FAM107A: variants seen among roughly 807,000 people sequenced by gnomAD.
FAM107A encodes the protein actin-associated protein FAM107A.
In FAM107A, 19 loss-of-function variants were observed where a neutral mutation model predicts 13.7. The observed-to-expected ratio is 1.38, with a 90% CI of 0.97 to 2.03. The LOEUF is 2.03. Ranked by LOEUF, FAM107A falls within the 30% of genes most tolerant of loss-of-function variation. The probability of loss-of-function intolerance (pLI) is 0.00; values close to 1 mark genes in which losing one functional copy is unlikely to be tolerated. For synonymous variants in FAM107A, 82 were observed against 74.5 expected, an observed-to-expected ratio of 1.10 and a Z score of -0.52; for missense variants, 203 against 184.4, an observed-to-expected ratio of 1.10 and a Z score of -0.58.
chr3:58,566,810 G>C (rs1202049268), intron 3 of FAM107A, 115 bp from the exon 4 acceptor site: 8 of 778,964 alleles, frequency 1.0e-5, no homozygotes, highest in South Asian at 1.6e-5. Flanking sequence ...ACCAACCTGG[G>C]GATGAGTTTT....
At chr3:58,583,693 T>G (rs9826641) in intron 1 of FAM107A, among the ~76,000 whole-genome samples, 5,061 of 151,374 alleles carry the variant, frequency 0.033, 286 homozygotes, top group African/African-American at 0.11. Flanking sequence ...TCTTTTTTTT[T>G]GGGGGGGGAC....
intron 1 of FAM107A, chr3:58,607,676 A>G (rs2065808977): frequency 6.6e-6 from 1 of 152,226 alleles, no homozygotes; most frequent in African/African-American, 2.4e-5. Flanking sequence ...TGCTGGCTCA[A>G]TGAAGTTAGC....
chr3:58,570,631 G>GAGAGAA (rs1559474913), intron 1 of FAM107A, among the ~76,000 whole-genome samples: 3 of 95,800 alleles, frequency 3.1e-5, no homozygotes, highest in African/African-American at 9.1e-5. Flanking sequence ...GAGAGAGAGA[G>GAGAGAA]AGAGAAAGAG....
At chr3:58,582,679 C>T (rs537167350), upstream of FAM107A, among the ~76,000 whole-genome samples, 3 of 152,304 alleles carry the variant, frequency 2.0e-5, no homozygotes, top group South Asian at 2.1e-4. Flanking sequence ...ATGGGGCAGA[C>T]GTGTTTTTGA....
At chr3:58,570,400 T>C in intron 1 of FAM107A, 1 of 984,674 alleles carries the variant, frequency 1.0e-6, no homozygotes, top group Non-Finnish European at 1.2e-6. Context: ...GAGGAGAGCA[T>C]GAAATTCAGA....
rs569767838 is a variant in FAM107A, at chr3:58,597,798, A to T, written c.-69-8529T>A. Among the ~76,000 whole-genome samples, 5 of 152,330 alleles carry T rather than the reference A, an allele frequency of 3.3e-5. No homozygotes were observed. In the East Asian group the frequency reaches 9.7e-4, roughly 29 times the overall value. ...GAGGAAGAAAGCTGAGGCCTTCGGC[A>T]GGTTAAGATACACAGCTGGATGGAA... On this transcript the variant is annotated intron_variant, in intron 1 of 3. Coordinates refer to the FAM107A transcript ENST00000465970.
intron 1 of FAM107A, among the ~76,000 whole-genome samples, chr3:58,612,276 T>C (rs2065861654): frequency 6.6e-6 from 1 of 152,180 alleles, no homozygotes; most frequent in Non-Finnish European, 1.5e-5. Context: ...TGGAATGCTA[T>C]GTACCCATGA....
intron 1 of FAM107A, among the ~76,000 whole-genome samples, chr3:58,592,867 C>G (rs956529868): frequency 2.6e-5 from 4 of 152,228 alleles, no homozygotes; most frequent in Admixed American, 1.3e-4. Flanking sequence ...GCCCCAATCT[C>G]ATCCCAGACA....
intron 1 of FAM107A, chr3:58,607,970 A>C (rs917298394): frequency 1.2e-4 from 18 of 152,234 alleles, no homozygotes; most frequent in African/African-American, 4.3e-4. Flanking sequence ...GACTCCTGCC[A>C]AGGGAAACTG....
chr3:58,623,208 T>C (rs982273539), intron 1 of FAM107A, among the ~76,000 whole-genome samples: 1 of 152,222 alleles, frequency 6.6e-6, no homozygotes, highest in Non-Finnish European at 1.5e-5. Context: ...AATTTAGCCA[T>C]AGTGCTTCTA....
intron 1 of FAM107A, chr3:58,626,941 G>C: frequency 2.0e-6 from 3 of 1,535,158 alleles, no homozygotes; most frequent in Non-Finnish European, 2.6e-6. Context: ...CCATGACCAG[G>C]GCCCCAACAG....
intron 1 of FAM107A, among the ~76,000 whole-genome samples, chr3:58,603,911 A>G (rs953079856): frequency 1.3e-5 from 2 of 152,186 alleles, no homozygotes; most frequent in Non-Finnish European, 2.9e-5. Context: ...AGGCTCCCCA[A>G]CTAGTAACTG....
upstream of FAM107A, chr3:58,589,326 A>T: frequency 4.3e-6 from 5 of 1,157,470 alleles, no homozygotes; most frequent in South Asian, 6.6e-5. Flanking sequence ...TGGCTGAGGG[A>T]GGGGTGATAT....
chr3:58,567,583 C>T (rs535458411), intron 2 of FAM107A, among the ~76,000 whole-genome samples: 40 of 152,340 alleles, frequency 2.6e-4, no homozygotes, highest in African/African-American at 8.7e-4. Context: ...AGGTAGGCCA[C>T]ATGAGGATTT....
At chr3:58,573,649 A>C (rs1455054005) in intron 1 of FAM107A, 1 of 152,640 alleles carries the variant, frequency 6.6e-6, no homozygotes, top group Non-Finnish European at 1.5e-5. Flanking sequence ...CGAAGGAGAA[A>C]GGTAAGTGGC....
intron 1 of FAM107A, chr3:58,570,361 G>C: frequency 1.0e-6 from 1 of 984,394 alleles, no homozygotes; most frequent in Non-Finnish European, 1.2e-6. Flanking sequence ...TTCCACAACT[G>C]TTCAGCTTTT....
At chr3:58,615,552 T>A (rs150118290) in intron 1 of FAM107A, among the ~76,000 whole-genome samples, 1 of 152,158 alleles carries the variant, frequency 6.6e-6, no homozygotes, top group African/African-American at 2.4e-5. Flanking sequence ...GTAAGCTCTG[T>A]GAAGGAACTG....
At chr3:58,577,688 GTTTC>G (rs2063742449), upstream of FAM107A, 2 of 985,208 alleles carry the variant, frequency 2.0e-6, no homozygotes, top group Non-Finnish European at 2.4e-6. This position sits in a 1 kb window ranked among gnomAD's most constrained non-coding sequence, Gnocchi z 4.9. Context: ...AATTTCCCTT[GTTTC>G]TTATGGGAGG....
intron 1 of FAM107A, among the ~76,000 whole-genome samples, chr3:58,601,239 A>G (rs530915633): frequency 4.7e-4 from 72 of 152,090 alleles, no homozygotes; most frequent in Admixed American, 1.1e-3. Flanking sequence ...GTAAAGTGCA[A>G]CCCCCCAAAT....
Sources: gnomAD v4.1 joint callset for allele counts (sites outside exome capture counted in the v4.1 genomes callset) on GRCh38, gnomAD v4.1.1 for gene constraint, Gnocchi (gnomAD v3.1) non-coding constraint, MANE v1.5 for transcripts, NCBI Gene and HGNC (gene_info 2026-07-23, HGNC 2026-07-21) for gene names.